Variants in C19orf47 observed in about 807,000 individuals in gnomAD.
C19orf47 encodes uncharacterized protein C19orf47.
Under a neutral mutation model 32.3 loss-of-function variants are expected in C19orf47, and 18 were observed. The observed-to-expected ratio is 0.56, with a 90% CI of 0.39 to 0.83. The LOEUF (loss-of-function observed/expected upper bound fraction) is 0.83. Ranked by LOEUF, C19orf47 falls within the 40% of genes least tolerant of loss-of-function variation. The probability of loss-of-function intolerance (pLI) is 0.00; values close to 1 mark genes in which losing one functional copy is unlikely to be tolerated. For missense variants in C19orf47, 484 were observed against 531.6 expected, an observed-to-expected ratio of 0.91 and a Z score of 0.88; for synonymous variants, 202 against 211.1, an observed-to-expected ratio of 0.96 and a Z score of 0.37.
chr19:40,340,628 C>T lies in C19orf47; in HGVS notation c.19+1211G>A, dbSNP rs1381393467. 2.6e-5 allele frequency among the ~76,000 whole-genome samples: 4 copies of T among 151,364 alleles called. No homozygotes were observed. The East Asian group carries it at 5.8e-4, about 22-fold the overall frequency. On this transcript the variant is annotated intron_variant, in intron 2 of 8. Coordinates refer to ENST00000683109, the MANE Select transcript of C19orf47 (RefSeq NM_001256441.2). ...CCCGGGAGGCAGAGCTTGCAGTGAG[C>T]GGAGATCATGCCACTGCACTCCAGC...
the C19orf47 span, among the ~76,000 whole-genome samples, chr19:40,301,976 AT>A: frequency 3.3e-5 from 5 of 151,938 alleles, no homozygotes; most frequent in Non-Finnish European, 5.9e-5. Context: ...CCTGGTCAAC[AT>A]GGAGAAACCC....
chr19:40,313,093 C>T, the C19orf47 span, among the ~76,000 whole-genome samples: 2 of 152,180 alleles, frequency 1.3e-5, no homozygotes. Flanking sequence ...TTCAACTTTA[C>T]CACAACCTAC....
At chr19:40,315,894 G>C (rs2077658874), downstream of C19orf47, among the ~76,000 whole-genome samples, 1 of 152,040 alleles carries the variant, frequency 6.6e-6, no homozygotes, top group Non-Finnish European at 1.5e-5. Flanking sequence ...GTAGGTGGAG[G>C]CTACAGTGAG....
At chr19:40,325,155 A>C (rs2077802824) in intron 7 of C19orf47, among the ~76,000 whole-genome samples, 1 of 151,858 alleles carries the variant, frequency 6.6e-6, no homozygotes, top group Non-Finnish European at 1.5e-5. Flanking sequence ...CTGTAATCCC[A>C]GATGCTTGGG....
chr19:40,345,536 TAAAAAAAAA>T (rs55954294), intron 1 of C19orf47, among the ~76,000 whole-genome samples: 3 of 110,848 alleles, frequency 2.7e-5, no homozygotes, highest in Non-Finnish European at 3.6e-5. Flanking sequence ...CTGTCACTGT[TAAAAAAAAA>T]AAAAAAAAAA....
At chr19:40,296,212 T>C in the C19orf47 span, among the ~76,000 whole-genome samples, 2 of 152,224 alleles carry the variant, frequency 1.3e-5, no homozygotes, top group East Asian at 1.9e-4. Flanking sequence ...TATAGTCTAT[T>C]GCTATAAACT....
rs564067272 is a variant in C19orf47 at position 40,326,197 on chromosome 19, T to C, written c.592+137A>G. On this transcript the variant is annotated intron_variant, in intron 7 of 8. Coordinates refer to ENST00000683109, the MANE Select transcript of C19orf47 (RefSeq NM_001256441.2). ...CCCTCCTCTGCAGCCACCATCACTG[T>C]CCCCTTGGCCTACGGCTCCTGCATC... 21 of 1,206,514 alleles carry C rather than the reference T, an allele frequency of 1.7e-5. No homozygotes were observed. The South Asian group carries it at 2.8e-4, about 16-fold the overall frequency. 74.7% of individuals were successfully genotyped at this position (1,206,514 alleles called of 1,614,324 possible).
chr19:40,303,160 G>A, the C19orf47 span, among the ~76,000 whole-genome samples: 14 of 151,246 alleles, frequency 9.3e-5, no homozygotes, highest in Middle Eastern at 3.4e-3. Context: ...CCTGGGAGGC[G>A]GAGGCTGCAG....
rs1568603540 is a variant in C19orf47 at position 40,322,192 on chromosome 19, G to A, written c.848C>T (p.Ser283Leu). The change falls in exon 9 of 9, where the codon TCA becomes TTA. Residue 283 changes from serine (S) to leucine (L), a missense_variant. Coordinates refer to ENST00000683109, the MANE Select transcript of C19orf47 (RefSeq NM_001256441.2). ...ALTVKAKATS[S>L]ATTAAAPTLR... is the part of the protein sequence containing the mutation. ...TGTCGGGGCAGCAGCCGTTGTCGCT[G>A]AGCTTGTGGCCTTGGCTTTGACAGT... 1.2e-6 allele frequency: 2 copies of A among 1,611,670 alleles called. No homozygotes were observed. Among genetic ancestry groups the A allele is most frequent in the Non-Finnish European group, 1.7e-6 (2 of 1,179,904 alleles).
chr19:40,314,362 G>A, the C19orf47 span, among the ~76,000 whole-genome samples: 9 of 152,220 alleles, frequency 5.9e-5, 1 homozygote, highest in Admixed American at 4.6e-4. Flanking sequence ...AGGAGGCGGA[G>A]GTTGTGGTGA....
chr19:40,331,288 C>T (rs774299433), intron 5 of C19orf47, among the ~76,000 whole-genome samples: 4 of 152,236 alleles, frequency 2.6e-5, no homozygotes, highest in African/African-American at 4.8e-5. Flanking sequence ...CAAGCCCAGG[C>T]TAGCCAGCTA....
rs1205958579 is a variant in C19orf47 at position 40,341,883 on chromosome 19, C to T, written c.-26G>A. 1 of 1,536,242 alleles carries T rather than the reference C, an allele frequency of 6.5e-7. No homozygotes were observed. The highest frequency in any genetic ancestry group is 8.7e-7 in the Non-Finnish European group (1 of 1,146,908). On this transcript the variant is annotated 5_prime_UTR_variant, in exon 2 of 9. Transcript: ENST00000683109. ...CGTCTCCCTGGCCCTGACACTGCTC[C>T]CTGGAGCCTGAAAGAGAAGAGAGGA...
chr19:40,327,007 C>CTTTTT (rs763036518), intron 6 of C19orf47, among the ~76,000 whole-genome samples: 2 of 122,802 alleles, frequency 1.6e-5, no homozygotes, highest in African/African-American at 3.1e-5. Flanking sequence ...CTGATTTTAA[C>CTTTTT]TTTTTTTTTT....
At chr19:40,296,697 T>G in the C19orf47 span, among the ~76,000 whole-genome samples, 1 of 151,904 alleles carries the variant, frequency 6.6e-6, no homozygotes, top group African/African-American at 2.4e-5. Context: ...GTGAATCACC[T>G]GAGGTCAGGA....
At chr19:40,347,764 C>T (rs1377958347) in intron 1 of C19orf47, among the ~76,000 whole-genome samples, 1 of 152,154 alleles carries the variant, frequency 6.6e-6, no homozygotes, top group Non-Finnish European at 1.5e-5. Context: ...GAATTCCCAG[C>T]TACACCAATG....
At chr19:40,346,579 T>C (rs539403130) in intron 1 of C19orf47, among the ~76,000 whole-genome samples, 1 of 142,684 alleles carries the variant, frequency 7.0e-6, no homozygotes, top group East Asian at 2.1e-4. Flanking sequence ...CAGGCTGGAG[T>C]GCAGTGGCGT....
chr19:40,323,958 G>A (rs1382768266), intron 8 of C19orf47, 48 bp downstream of exon 8: 1 of 1,606,948 alleles, frequency 6.2e-7, no homozygotes, highest in Admixed American at 1.7e-5. Context: ...ACCGCTCAGG[G>A]AAGACAACAG....
At chr19:40,337,779 G>A (rs1200313738) in intron 2 of C19orf47, among the ~76,000 whole-genome samples, 1 of 152,094 alleles carries the variant, frequency 6.6e-6, no homozygotes, top group Non-Finnish European at 1.5e-5. Context: ...GCCACAGGCC[G>A]GTTACCCAGG....
At chr19:40,295,098 T>C in the C19orf47 span, among the ~76,000 whole-genome samples, 2 of 152,146 alleles carry the variant, frequency 1.3e-5, no homozygotes, top group African/African-American at 4.8e-5. Context: ...CTCGCCTCAC[T>C]GCAACCTCCG....
Sources: gnomAD v4.1 joint callset for allele counts (sites outside exome capture counted in the v4.1 genomes callset) on GRCh38, gnomAD v4.1.1 for gene constraint, MANE v1.5 for transcripts, NCBI Gene and HGNC (gene_info 2026-07-23, HGNC 2026-07-21) for gene names.